ANOS1: variants seen among roughly 807,000 people sequenced by gnomAD.
The protein encoded by ANOS1 is anosmin 1, also known as anosmin-1.
In ANOS1, 6 loss-of-function variants were observed where a neutral mutation model predicts 59.0. The observed-to-expected ratio is 0.10, with a 90% CI of 0.06 to 0.20. ANOS1 has a LOEUF of 0.20. Ranked by LOEUF, ANOS1 falls within the 10% of genes least tolerant of loss-of-function variation. The pLI is 1.00. For missense variants in ANOS1, 433 were observed against 542.3 expected, an observed-to-expected ratio of 0.80 and a Z score of 2.00; for synonymous variants, 217 against 223.4, an observed-to-expected ratio of 0.97 and a Z score of 0.25.
Position 8,528,957 on chromosome X carries a change from T to C in ANOS1, c.*4038A>G, listed in dbSNP as rs887774972. ...ATGAGTCACAGAATATCAAGACTAT[T>C]TACAATACTTTTTTGTTTTTTACAA... On this transcript the variant is annotated 3_prime_UTR_variant, in exon 14 of 14. Transcript: ENST00000262648. 1 of 112,234 alleles carries C rather than the reference T, an allele frequency of 8.9e-6. No individual in the cohort carries two copies. Among genetic ancestry groups the C allele is most frequent in the African/African-American group, 3.2e-5 (1 of 30,868 alleles). The allele number at this position is 112,234 out of a possible 1,213,427, so 9.2% of individuals were successfully genotyped here. A position where few individuals can be genotyped will look rare whatever the true frequency, so the allele number is the denominator to read the frequency against.
At position 8,530,778 on chromosome X, in the gene ANOS1, T is replaced by C. The variant is rs1289852698; in HGVS notation, c.*2217A>G. Reference sequence around the variant, plus strand: ...CAGAGACTCCCAGCATTTTTAACTATGCAACAGTACAAAAATTTGCTGGCA... The same window carrying C: ...CAGAGACTCCCAGCATTTTTAACTACGCAACAGTACAAAAATTTGCTGGCA... On this transcript the variant is annotated 3_prime_UTR_variant, in exon 14 of 14. Transcript: ENST00000262648. 4 of 110,724 alleles carry C rather than the reference T, an allele frequency of 3.6e-5. No homozygotes were observed. The highest frequency in any genetic ancestry group is 3.8e-4 in the South Asian group (1 of 2,620). The allele number at this position is 110,724 out of a possible 1,213,427, so 9.1% of individuals were successfully genotyped here. A position where few individuals can be genotyped will look rare whatever the true frequency, so the allele number is the denominator to read the frequency against.
intron 2 of ANOS1, among the ~76,000 whole-genome samples, chrX:8,676,797 T>C (rs1228193183): frequency 8.9e-6 from 1 of 111,910 alleles, no homozygotes; most frequent in African/African-American, 3.2e-5. Flanking sequence ...TGACAAACCA[T>C]TTGTCGATCA....
intron 6 of ANOS1, among the ~76,000 whole-genome samples, chrX:8,577,036 G>T (rs1217471318): frequency 9.0e-6 from 1 of 111,327 alleles, no homozygotes; most frequent in Non-Finnish European, 1.9e-5. Flanking sequence ...AATGAGTGTG[G>T]CTATGTTCCA....
chrX:8,624,123 C>T (rs1931349558), intron 2 of ANOS1, among the ~76,000 whole-genome samples: 1 of 100,874 alleles, frequency 9.9e-6, no homozygotes, highest in African/African-American at 3.7e-5. Flanking sequence ...TCAAGTGATT[C>T]TTCTACCTCA....
intron 2 of ANOS1, 24 bp downstream of exon 2, chrX:8,699,674 T>C: frequency 8.6e-7 from 1 of 1,160,879 alleles, no homozygotes; most frequent in Non-Finnish European, 1.2e-6. Flanking sequence ...TTTTGCACCA[T>C]TCATACAGGT....
intron 3 of ANOS1, among the ~76,000 whole-genome samples, chrX:8,602,442 A>C (rs1036433711): frequency 8.9e-6 from 1 of 111,811 alleles, no homozygotes; most frequent in East Asian, 2.8e-4. Context: ...ACCATTAAGC[A>C]TGTAAAATTT....
chrX:8,704,121 T>G (rs771651667), intron 1 of ANOS1, among the ~76,000 whole-genome samples: 2 of 111,632 alleles, frequency 1.8e-5, no homozygotes, highest in East Asian at 2.8e-4. Flanking sequence ...CTGCCACCAT[T>G]TAAGACATGG....
At chrX:8,727,166 C>T (rs1003985226) in intron 1 of ANOS1, among the ~76,000 whole-genome samples, 3 of 111,907 alleles carry the variant, frequency 2.7e-5, no homozygotes, top group Non-Finnish European at 3.8e-5. Context: ...GAGTCAATAG[C>T]ACACTGCAGT....
intron 2 of ANOS1, among the ~76,000 whole-genome samples, chrX:8,624,598 T>C (rs973621635): frequency 1.8e-5 from 2 of 111,310 alleles, no homozygotes; most frequent in Non-Finnish European, 3.8e-5. Flanking sequence ...GAGAGTCTCA[T>C]AACAGAAAAT....
chrX:8,595,339 T>TA (rs1248201725), intron 4 of ANOS1, among the ~76,000 whole-genome samples: 1 of 111,613 alleles, frequency 9.0e-6, no homozygotes. Flanking sequence ...AATAAAACTT[T>TA]AAAACTATTA....
At chrX:8,657,467 C>CTTTT (rs1324799667) in intron 2 of ANOS1, among the ~76,000 whole-genome samples, 9 of 83,909 alleles carry the variant, frequency 1.1e-4, no homozygotes, top group African/African-American at 1.4e-4. Context: ...ACTGTGCTTG[C>CTTTT]TTTTTTTTTT....
intron 8 of ANOS1, among the ~76,000 whole-genome samples, chrX:8,559,908 C>CTAA (rs753526309): frequency 1.5e-3 from 163 of 111,845 alleles, no homozygotes; most frequent in African/African-American, 5.1e-3. Flanking sequence ...AGAGCTCATC[C>CTAA]TAATCTTCCT....
Position 8,702,707 on chromosome X carries a change from C to T in ANOS1, c.208-2962G>A, listed in dbSNP as rs190277153. 2.9e-4 allele frequency among the ~76,000 whole-genome samples: 32 copies of T among 112,169 alleles called. No homozygotes were observed. In the East Asian group the frequency reaches 9.0e-3, roughly 32 times the overall value. On this transcript the variant is annotated intron_variant, in intron 1 of 13. Transcript: ENST00000262648. Reference sequence around the variant, plus strand: ...TCCCCTGTGCAGAGTTGGCTCCTGCCAGGACTTCCAAGGACGACACCTGTC... The same window carrying T: ...TCCCCTGTGCAGAGTTGGCTCCTGCTAGGACTTCCAAGGACGACACCTGTC...
intron 6 of ANOS1, among the ~76,000 whole-genome samples, chrX:8,576,491 T>G (rs200418561): frequency 5.3e-5 from 5 of 93,475 alleles, no homozygotes; most frequent in African/African-American, 2.0e-4. Flanking sequence ...CACACACACA[T>G]ACACACACAC....
At chrX:8,623,488 C>T in intron 3 of ANOS1, 120 bp downstream of exon 3, 3 of 560,254 alleles carry the variant, frequency 5.4e-6, no homozygotes, top group East Asian at 7.1e-5. Context: ...CCACACACAC[C>T]TGCAGTTAAT....
intron 6 of ANOS1, among the ~76,000 whole-genome samples, chrX:8,575,850 T>C (rs936929950): frequency 1.8e-5 from 2 of 111,168 alleles, no homozygotes; most frequent in Non-Finnish European, 3.8e-5. Context: ...ACGTCTGTAA[T>C]CTTAGTGCTT....
intron 2 of ANOS1, among the ~76,000 whole-genome samples, chrX:8,690,460 C>T (rs1932589231): frequency 8.9e-6 from 1 of 111,786 alleles, no homozygotes; most frequent in Non-Finnish European, 1.9e-5. Context: ...AATTTTGATC[C>T]ACTACATATT....
chrX:8,654,604 G>A (rs1290061568), intron 2 of ANOS1, among the ~76,000 whole-genome samples: 2 of 112,133 alleles, frequency 1.8e-5, no homozygotes, highest in African/African-American at 3.2e-5. Context: ...AGCCTTTAAC[G>A]TCTCCAAGAA....
intron 4 of ANOS1, among the ~76,000 whole-genome samples, chrX:8,594,192 A>C (rs990948511): frequency 1.7e-4 from 19 of 111,037 alleles, no homozygotes; most frequent in African/African-American, 6.2e-4. Context: ...ACTCTTATTA[A>C]AGAAAAAAAC....
Sources: gnomAD v4.1 joint callset for allele counts (sites outside exome capture counted in the v4.1 genomes callset) on GRCh38, gnomAD v4.1.1 for gene constraint, MANE v1.5 for transcripts, NCBI Gene and HGNC (gene_info 2026-07-23, HGNC 2026-07-21) for gene names.